The following PDZD11 variants were observed in gnomAD, a reference collection of about 807,000 sequenced individuals.
The protein encoded by PDZD11 is PDZ domain containing 11, also known as PDZ domain-containing protein 11.
A neutral mutation model predicts 13.7 loss-of-function variants in PDZD11; 2 were observed. The ratio of observed to expected loss-of-function variants is 0.15; its 90% CI spans 0.06 to 0.46. PDZD11 has a LOEUF of 0.46. PDZD11 is among the 20% of genes least tolerant of loss of function. The probability of loss-of-function intolerance (pLI) is 0.98; values close to 1 mark genes in which losing one functional copy is unlikely to be tolerated. For missense variants in PDZD11, 44 were observed against 111.7 expected, an observed-to-expected ratio of 0.39 and a Z score of 2.73; for synonymous variants, 32 against 37.5, an observed-to-expected ratio of 0.85 and a Z score of 0.54.
chrX:70,288,326 G>T, intron 3 of PDZD11, 104 bp downstream of exon 3: 1 of 894,331 alleles, frequency 1.1e-6, no homozygotes, highest in Non-Finnish European at 1.6e-6. Context: ...TCCACAAGAA[G>T]GAAAGTTTCC....
In PDZD11 at chrX:70,288,185, G is replaced by A. The variant is rs1331279372; in HGVS notation, c.172-12C>T. ...ATGTTAAATCCCAACTGTAAGACAA[G>A]AGCACAGAATGGGGGCTCAATGGAG... On this transcript the variant is annotated splice_polypyrimidine_tract_variant and intron_variant, in intron 3 of 6. Coordinates refer to ENST00000239666, the MANE Select transcript of PDZD11 (RefSeq NM_016484.5). 8.3e-7 allele frequency: 1 copy of A among 1,200,105 alleles called. No homozygotes were observed. The highest frequency in any genetic ancestry group is 1.1e-6 in the Non-Finnish European group (1 of 885,043).
intron 3 of PDZD11, 50 bp from the exon 4 acceptor site, chrX:70,288,223 A>C (rs756992045): frequency 3.8e-6 from 4 of 1,043,856 alleles, no homozygotes; most frequent in Non-Finnish European, 1.3e-6. Flanking sequence ...CACAAACACA[A>C]GAACAACTAG....
chrX:70,289,048 C>T (rs762736605), intron 2 of PDZD11, among the ~76,000 whole-genome samples: 1 of 111,521 alleles, frequency 9.0e-6, no homozygotes, highest in African/African-American at 3.3e-5. Flanking sequence ...CAGAATTAAC[C>T]GGTGTGAACA....
Position 70,288,120 on chromosome X carries a change from G to A in PDZD11, c.225C>T (p.Ser75=). Residue 75 remains serine, a synonymous_variant, in exon 4 of 7, where the codon TCC becomes TCT. Transcript: ENST00000239666. ...GKASQLGIFI[S]KVIPDSDAHR... ...ATTGCCTACTGGGCATAAATACCTT[G>A]GAGATGAAGATGCCTAGCTGGGAGG... 1 of 1,202,104 alleles carries A rather than the reference G, an allele frequency of 8.3e-7. No individual in the cohort carries two copies. The highest frequency in any genetic ancestry group is 1.1e-6 in the Non-Finnish European group (1 of 886,886).
Position 70,287,133 on chromosome X carries a change from G to A in PDZD11, c.389-17C>T, listed in dbSNP as rs770840371. The A allele has an allele frequency of 4.2e-6, 5 of 1,194,295 alleles. No homozygotes were observed. Among genetic ancestry groups the A allele is most frequent in the Non-Finnish European group, 5.6e-6 (5 of 885,699 alleles). On this transcript the variant is annotated splice_polypyrimidine_tract_variant and intron_variant, in intron 6 of 6. Coordinates refer to ENST00000239666, the MANE Select transcript of PDZD11 (RefSeq NM_016484.5). ...GATGATAATCTGAAGGAAAGAAGAA[G>A]AAAAGGAGGAACAGAGCAGGTTATC... is the stretch of plus-strand genomic sequence containing the variant.
chrX:70,288,900 C>G (rs948173032), intron 2 of PDZD11, among the ~76,000 whole-genome samples: 11 of 110,922 alleles, frequency 9.9e-5, no homozygotes. Flanking sequence ...GACGCGGTTT[C>G]TCCATGTTGG....
chrX:70,289,691 C>T (rs1190391138), intron 1 of PDZD11, 169 bp downstream of exon 1: 2 of 210,604 alleles, frequency 9.5e-6, no homozygotes, highest in Non-Finnish European at 1.7e-5. Flanking sequence ...TGTTAACTAT[C>T]CGCAGGGACT....
rs2085743015 is a variant in PDZD11 at position 70,289,357 on chromosome X, GGAAGAGT to G, written c.-13-10_-13-4del. On this transcript the variant is annotated splice_region_variant and splice_polypyrimidine_tract_variant and intron_variant, in intron 1 of 6. Coordinates refer to ENST00000239666, the MANE Select transcript of PDZD11 (RefSeq NM_016484.5). ...GGCTGTCCATCTCGGGCAAGGCCCTGGAAGAGTGAATCAGAACAGACAAAAAGTGGTT... is the reference window on the plus strand; with the variant it reads ...GGCTGTCCATCTCGGGCAAGGCCCTGGAATCAGAACAGACAAAAAGTGGTT... 8 of 1,201,236 alleles carry G rather than the reference GGAAGAGT, an allele frequency of 6.7e-6. No homozygotes were observed. The highest frequency in any genetic ancestry group is 7.9e-6 in the Non-Finnish European group (7 of 890,199).
At position 70,287,019 on chromosome X, in the gene PDZD11, C is replaced by A; in HGVS notation, c.*63G>T. 1 of 1,043,454 alleles carries A rather than the reference C, an allele frequency of 9.6e-7. No individual in the cohort carries two copies. The highest frequency in any genetic ancestry group is 1.3e-6 in the Non-Finnish European group (1 of 759,387). The allele number at this position is 1,043,454 out of a possible 1,213,427, so 86.0% of individuals were successfully genotyped here. Reference sequence around the variant, plus strand: ...GGAGGGGCTGAAAACAGAAGTGGCTCCCCTGAAGTCTAGTTAGCATGTCAT... The same window carrying A: ...GGAGGGGCTGAAAACAGAAGTGGCTACCCTGAAGTCTAGTTAGCATGTCAT... On this transcript the variant is annotated 3_prime_UTR_variant, in exon 7 of 7. Coordinates refer to ENST00000239666, the MANE Select transcript of PDZD11 (RefSeq NM_016484.5).
Position 70,287,764 on chromosome X carries a change from C to G in PDZD11, c.295G>C (p.Asp99His), listed in dbSNP as rs774730581. The change falls in exon 5 of 7, where the codon GAT becomes CAT. Residue 99 changes from aspartate (D) to histidine (H), a missense_variant. By Grantham distance (81) the Asp-to-His change is moderately conservative. Transcript: ENST00000239666. ...QEGDQVLAVNDVDFQDIEHSK... is the reference protein window; with the variant it reads ...QEGDQVLAVNHVDFQDIEHSK... Reference sequence around the variant, plus strand: ...TGCTCAATATCTTGGAAATCCACATCATTCACAGCTAGAACTTGGTCCCCT... The same window carrying G: ...TGCTCAATATCTTGGAAATCCACATGATTCACAGCTAGAACTTGGTCCCCT... 1.7e-6 allele frequency: 2 copies of G among 1,208,114 alleles called. No individual in the cohort carries two copies. The highest frequency in any genetic ancestry group is 1.7e-5 in the African/African-American group (1 of 57,205).
In PDZD11 at chrX:70,288,099, C is replaced by T. The variant is rs768883019; in HGVS notation, c.228+18G>A. On this transcript the variant is annotated intron_variant, in intron 4 of 6. Transcript: ENST00000239666. ...CAAAGGGAAGTAACGATCCATATTGCCTACTGGGCATAAATACCTTGGAGA... is the reference window on the plus strand; with the variant it reads ...CAAAGGGAAGTAACGATCCATATTGTCTACTGGGCATAAATACCTTGGAGA... 2.6e-6 allele frequency: 3 copies of T among 1,176,040 alleles called. No homozygotes were observed. Among genetic ancestry groups the T allele is most frequent in the Non-Finnish European group, 3.5e-6 (3 of 863,417 alleles).
Position 70,289,374 on chromosome X carries a change from C to A in PDZD11, c.-13-20G>T, listed in dbSNP as rs2085743176. 1 of 1,195,298 alleles carries A rather than the reference C, an allele frequency of 8.4e-7. No individual in the cohort carries two copies. The highest frequency in any genetic ancestry group is 3.0e-5 in the East Asian group (1 of 33,324). On this transcript the variant is annotated intron_variant, in intron 1 of 6. Transcript: ENST00000239666. Reference sequence around the variant, plus strand: ...AAGGCCCTGGAAGAGTGAATCAGAACAGACAAAAAGTGGTTCAAAAGGGAG... The same window carrying A: ...AAGGCCCTGGAAGAGTGAATCAGAAAAGACAAAAAGTGGTTCAAAAGGGAG...
rs777082281 is a variant in PDZD11 at position 70,289,206 on chromosome X, T to C, written c.87+49A>G. ...ATCCTACCTTTCATGCATCATCTCA[T>C]GCCCACGGGGAAAAAAATCTCCTAC... On this transcript the variant is annotated intron_variant, in intron 2 of 6. Coordinates refer to ENST00000239666, the MANE Select transcript of PDZD11 (RefSeq NM_016484.5). 5 of 1,052,324 alleles carry C rather than the reference T, an allele frequency of 4.8e-6. No individual in the cohort carries two copies. In the Admixed American group the frequency reaches 1.2e-4, roughly 26 times the overall value. The allele number at this position is 1,052,324 out of a possible 1,213,427, so 86.7% of individuals were successfully genotyped here. A position where few individuals can be genotyped will look rare whatever the true frequency, so the allele number is the denominator to read the frequency against.
rs1281883487 is a variant in PDZD11 at position 70,287,125 on chromosome X, A to AAGC, written c.389-10_389-9insGCT. 1.7e-6 allele frequency: 2 copies of AAGC among 1,197,733 alleles called. No individual in the cohort carries two copies. The highest frequency in any genetic ancestry group is 2.3e-6 in the Non-Finnish European group (2 of 887,273). ...TTTTTGGCGATGATAATCTGAAGGA[A>AAGC]AGAAGAAGAAAAGGAGGAACAGAGC... On this transcript the variant is annotated splice_polypyrimidine_tract_variant and intron_variant, in intron 6 of 6. Coordinates refer to ENST00000239666, the MANE Select transcript of PDZD11 (RefSeq NM_016484.5).
chrX:70,286,965 C>A lies in PDZD11; in HGVS notation c.*117G>T, dbSNP rs1360108299. 3.2e-6 allele frequency: 2 copies of A among 619,503 alleles called. No homozygotes were observed. The highest frequency in any genetic ancestry group is 4.5e-5 in the African/African-American group (2 of 44,155). 51.1% of individuals were successfully genotyped at this position (619,503 alleles called of 1,213,427 possible). A position where few individuals can be genotyped will look rare whatever the true frequency, so the allele number is the denominator to read the frequency against. ...TTGGGTAATGCAGTTGGTTAGCTGT[C>A]TCCCCATCCTCCCAACTCACTATTC... On this transcript the variant is annotated 3_prime_UTR_variant, in exon 7 of 7. Transcript: ENST00000239666.
In PDZD11 at chrX:70,286,936, T is replaced by A; in HGVS notation, c.*146A>T. Reference sequence around the variant, plus strand: ...AAACTAGGGAACTAAAAGTGCAATATGGTTTGGGTAATGCAGTTGGTTAGC... The same window carrying A: ...AAACTAGGGAACTAAAAGTGCAATAAGGTTTGGGTAATGCAGTTGGTTAGC... On this transcript the variant is annotated 3_prime_UTR_variant, in exon 7 of 7. Transcript: ENST00000239666. The A allele has an allele frequency of 4.1e-6, 2 of 486,686 alleles. No individual in the cohort carries two copies. The highest frequency in any genetic ancestry group is 7.1e-6 in the Non-Finnish European group (2 of 281,904). 40.1% of individuals were successfully genotyped at this position (486,686 alleles called of 1,213,427 possible). A position where few individuals can be genotyped will look rare whatever the true frequency, so the allele number is the denominator to read the frequency against.
chrX:70,288,866 G>A (rs757975565), intron 2 of PDZD11, among the ~76,000 whole-genome samples: 14 of 110,654 alleles, frequency 1.3e-4, no homozygotes, highest in African/African-American at 3.3e-4. Flanking sequence ...CACCACGCCC[G>A]GCTAATTTTG....
chrX:70,288,086 AC>A (rs1380525403), intron 4 of PDZD11, 30 bp downstream of exon 4: 1 of 1,132,947 alleles, frequency 8.8e-7, no homozygotes, highest in Non-Finnish European at 1.2e-6. Context: ...AAGGGAAGTA[AC>A]GATCCATATT....
rs1602730710 is a variant in PDZD11, at chrX:70,286,906, C to G, written c.*176G>C. 2.2e-6 allele frequency: 1 copy of G among 455,102 alleles called. No homozygotes were observed. The highest frequency in any genetic ancestry group is 3.7e-5 in the East Asian group (1 of 26,895). 37.5% of individuals were successfully genotyped at this position (455,102 alleles called of 1,213,427 possible). A position where few individuals can be genotyped will look rare whatever the true frequency, so the allele number is the denominator to read the frequency against. Reference sequence around the variant, plus strand: ...CCTCCTTTCAGGGAATGAAGCTCACCTAGAAAACTAGGGAACTAAAAGTGC... The same window carrying G: ...CCTCCTTTCAGGGAATGAAGCTCACGTAGAAAACTAGGGAACTAAAAGTGC... On this transcript the variant is annotated 3_prime_UTR_variant, in exon 7 of 7. Coordinates refer to ENST00000239666, the MANE Select transcript of PDZD11 (RefSeq NM_016484.5).
Sources: gnomAD v4.1 joint callset for allele counts (sites outside exome capture counted in the v4.1 genomes callset) on GRCh38, gnomAD v4.1.1 for gene constraint, MANE v1.5 for transcripts, NCBI Gene and HGNC (gene_info 2026-07-23, HGNC 2026-07-21) for gene names.